The following BRCA1 variants were observed in gnomAD, a reference collection of about 807,000 sequenced individuals.
BRCA1 encodes breast cancer type 1 susceptibility protein.
A neutral mutation model predicts 173.7 loss-of-function variants in BRCA1; 140 were observed. That is an observed-to-expected ratio of 0.81 (90% CI 0.70 to 0.93). The LOEUF (loss-of-function observed/expected upper bound fraction) is 0.93, where lower values mean the gene tolerates loss of function less well. Ranked by LOEUF, BRCA1 falls within the 40% of genes least tolerant of loss-of-function variation. BRCA1 has a pLI of 0.00. For missense variants in BRCA1, 1,983 were observed against 2,172.5 expected (o/e 0.91, Z 1.73); for synonymous variants, 662 against 756.0 (o/e 0.88, Z 2.04).
At chr17:43,143,499 G>C (rs2056094551) in intron 1 of BRCA1, among the ~76,000 whole-genome samples, 1 of 152,164 alleles carries the variant, frequency 6.6e-6, no homozygotes, top group African/African-American at 2.4e-5. Flanking sequence ...TCTGCAGTTA[G>C]CACTGTTCTT....
At chr17:43,076,853 G>A (rs1347311376) in intron 12 of BRCA1, among the ~76,000 whole-genome samples, 1 of 151,566 alleles carries the variant, frequency 6.6e-6, no homozygotes, top group African/African-American at 2.4e-5. Context: ...TTAAGACAGA[G>A]TAAATAAAGA....
chr17:43,069,157 C>T (rs752961329), intron 15 of BRCA1, among the ~76,000 whole-genome samples: 7 of 152,226 alleles, frequency 4.6e-5, no homozygotes, highest in African/African-American at 7.2e-5. Flanking sequence ...AAGCTAATGA[C>T]ATCCTCCCCC....
At chr17:43,079,164 A>G in intron 12 of BRCA1, 1 of 664,182 alleles carries the variant, frequency 1.5e-6, no homozygotes, top group Non-Finnish European at 2.6e-6. Flanking sequence ...ACAAAAGTGA[A>G]ACTTCATCTC....
intron 11 of BRCA1, among the ~76,000 whole-genome samples, chr17:43,090,237 T>G (rs1482505599): frequency 3.3e-5 from 5 of 152,152 alleles, no homozygotes; most frequent in Non-Finnish European, 7.4e-5. Context: ...TTGCTTACCT[T>G]CTCTGACCTG....
chr17:43,094,245 A>G lies in BRCA1; in HGVS notation c.1286T>C (p.Ile429Thr), dbSNP rs775869160. The change falls in exon 10 of 23, where the codon ATA becomes ACA. Residue 429 changes from isoleucine to threonine, a missense_variant. Ile to Thr is a moderately conservative substitution (Grantham distance 89). Transcript: ENST00000357654. Reference sequence around the variant, plus strand: ...ATGAGGATCACTGGCCAGTAAGTCTATTTTCTCTGAAGAACCAGAATATTC... The same window carrying G: ...ATGAGGATCACTGGCCAGTAAGTCTGTTTTCTCTGAAGAACCAGAATATTC... ...VDEYSGSSEK[I>T]DLLASDPHEA... The G allele has an allele frequency of 5.0e-6, 8 of 1,614,072 alleles. No homozygotes were observed. The highest frequency in any genetic ancestry group is 2.7e-5 in the African/African-American group (2 of 75,026).
chr17:43,051,654 T>C (rs1184524763), intron 19 of BRCA1, among the ~76,000 whole-genome samples: 1 of 151,438 alleles, frequency 6.6e-6, no homozygotes, highest in African/African-American at 2.4e-5. Flanking sequence ...TTTTTTTTTT[T>C]GAGACGGAGT....
At position 43,044,885 on chromosome 17, in the gene BRCA1, C is replaced by T. The variant is rs1316429995; in HGVS notation, c.*793G>A. 2.1e-6 allele frequency: 1 copy of T among 474,546 alleles called. No individual in the cohort carries two copies. Among genetic ancestry groups the T allele is most frequent in the Non-Finnish European group, 4.1e-6 (1 of 241,870 alleles). The allele number at this position is 474,546 out of a possible 1,614,324, so 29.4% of individuals were successfully genotyped here. ...GTGGTATGATCTTGGCTCACTGCAACCTCCACCTCCCGGGCTGAAGTGATT... is the reference window on the plus strand; with the variant it reads ...GTGGTATGATCTTGGCTCACTGCAATCTCCACCTCCCGGGCTGAAGTGATT... On this transcript the variant is annotated 3_prime_UTR_variant, in exon 23 of 23. Coordinates refer to ENST00000357654, the MANE Select transcript of BRCA1 (RefSeq NM_007294.4).
intron 6 of BRCA1, among the ~76,000 whole-genome samples, chr17:43,100,558 G>GTGTGTA (rs1280446904): frequency 2.8e-5 from 1 of 35,912 alleles, no homozygotes; most frequent in African/African-American, 9.0e-5. Context: ...GTGTGTGTGT[G>GTGTGTA]TATATATATA....
rs372017932 is a variant in BRCA1, at chr17:43,093,179, C to G, written c.2352G>C (p.Ser784=). The part of the protein sequence containing the change: ...GTDYGTQESI[S]LLEVSTLGKA... ...TCCCTAGAGTGCTAACTTCCAGTAA[C>G]GAGATACTTTCCTGAGTGCCATAAT... Residue 784 remains serine, a synonymous_variant, in exon 10 of 23, where the codon TCG becomes TCC. Coordinates refer to ENST00000357654, the MANE Select transcript of BRCA1 (RefSeq NM_007294.4). 6.2e-7 allele frequency: 1 copy of G among 1,613,820 alleles called. No individual in the cohort carries two copies. The highest frequency in any genetic ancestry group is 1.1e-5 in the South Asian group (1 of 91,064).
rs772960140 is a variant in BRCA1 at position 43,093,110 on chromosome 17, T to C, written c.2421A>G (p.Ala807=). 1 of 1,613,688 alleles carries C rather than the reference T, an allele frequency of 6.2e-7. No individual in the cohort carries two copies. Among genetic ancestry groups the C allele is most frequent in the Non-Finnish European group, 8.5e-7 (1 of 1,179,958 alleles). ...GAATTAGTCCCTTGGGGTTTTCAAA[T>C]GCTGCACACTGACTCACACATTTAT... ...EPNKCVSQCA[A]FENPKGLIHG... The change falls in exon 10 of 23, where the codon GCA becomes GCG. Residue 807 remains alanine (A), a synonymous_variant. Coordinates refer to ENST00000357654, the MANE Select transcript of BRCA1 (RefSeq NM_007294.4).
At chr17:43,131,363 A>C in intron 1 of BRCA1, 1 of 396,944 alleles carries the variant, frequency 2.5e-6, no homozygotes, top group Middle Eastern at 5.7e-4. Flanking sequence ...AGTAGCGCTT[A>C]GCTCATTTGT....
At position 43,090,983 on chromosome 17, in the gene BRCA1, G is replaced by A. The variant is rs1057517574; in HGVS notation, c.4146C>T (p.Cys1382=). Residue 1382 remains cysteine, a synonymous_variant, in exon 11 of 23, where the codon TGC becomes TGT. Transcript: ENST00000357654. ...TGTCACTCTGAGAGGATAGCCCTGA[G>A]CAGTCTTCAGAGACGCTTGTTTCAC... ...CESETSVSED[C]SGLSSQSDIL... 6.2e-7 allele frequency: 1 copy of A among 1,612,796 alleles called. No homozygotes were observed.
chr17:43,120,138 C>T (rs1049968108), intron 2 of BRCA1, among the ~76,000 whole-genome samples: 2 of 152,148 alleles, frequency 1.3e-5, no homozygotes, highest in Non-Finnish European at 2.9e-5. Flanking sequence ...AAACAACAAC[C>T]CACCGGGGAA....
chr17:43,097,149 G>A (rs184482532), intron 8 of BRCA1, 95 bp downstream of exon 8: 8 of 1,284,454 alleles, frequency 6.2e-6, no homozygotes, highest in Non-Finnish European at 8.9e-6. Flanking sequence ...TAAAATAAAA[G>A]TTAAAATATT....
At chr17:43,103,627 T>G (rs2054586353) in intron 6 of BRCA1, among the ~76,000 whole-genome samples, 1 of 151,974 alleles carries the variant, frequency 6.6e-6, no homozygotes, top group Non-Finnish European at 1.5e-5. Flanking sequence ...GGCTGTAAGG[T>G]CTCTCTCTTG....
intron 12 of BRCA1, chr17:43,079,417 T>C (rs201290746): frequency 6.5e-5 from 103 of 1,583,512 alleles, no homozygotes; most frequent in Non-Finnish European, 8.5e-5. Context: ...AAAGGTGAAA[T>C]TGTAGACATC....
chr17:43,076,541 A>C lies in BRCA1; in HGVS notation c.4431T>G (p.Phe1477Leu). 6.2e-7 allele frequency: 1 copy of C among 1,613,678 alleles called. No homozygotes were observed. The highest frequency in any genetic ancestry group is 8.5e-7 in the Non-Finnish European group (1 of 1,179,738). The change falls in exon 13 of 23, where the codon TTT (phenylalanine) becomes TTG (leucine). Residue 1477 changes from phenylalanine (F) to leucine (L), a missense_variant. Transcript: ENST00000357654. ...QNPEGLSADK[F>L]EVSADSSTSK... is the part of the protein sequence containing the mutation. ...TGGTAGAACTATCTGCAGACACCTC[A>C]AACTTGTCAGCAGAAAGGCCTTCTG...
Position 43,094,802 on chromosome 17 carries a change from A to C in BRCA1, c.729T>G (p.Asn243Lys), listed in dbSNP as rs730881467. 6.2e-7 allele frequency: 1 copy of C among 1,613,420 alleles called. No homozygotes were observed. Among genetic ancestry groups the C allele is most frequent in the Non-Finnish European group, 8.5e-7 (1 of 1,179,842 alleles). Residue 243 changes from asparagine (N) to lysine (K), a missense_variant, in exon 10 of 23, where the codon AAT (asparagine) becomes AAG (lysine). By Grantham distance (94) the Asn-to-Lys change is moderately conservative. Transcript: ENST00000357654. ...VTNTEHHQPS[N>K]NDLNTTEKRA... is the part of the protein sequence containing the mutation. ...GCTTCTCAGTGGTGTTCAAATCATT[A>C]TTACTGGGTTGATGATGTTCAGTAT...
intron 1 of BRCA1, chr17:43,168,266 G>T (rs777061469): frequency 3.5e-5 from 14 of 402,190 alleles, no homozygotes; most frequent in Admixed American, 2.1e-4. Context: ...CTGTTCCAAT[G>T]AACTTTAACA....
Sources: allele counts gnomAD v4.1 joint callset (sites outside exome capture counted in the v4.1 genomes callset), GRCh38; gene constraint gnomAD v4.1.1; transcripts MANE v1.5; gene names NCBI Gene and HGNC (gene_info 2026-07-23, HGNC 2026-07-21).